CCDC88A: variants seen among roughly 807,000 people sequenced by gnomAD.
CCDC88A encodes coiled-coil and HOOK domain protein 88A.
Under a neutral mutation model 234.3 loss-of-function variants are expected in CCDC88A, and 54 were observed. That is an observed-to-expected ratio of 0.23 (90% CI 0.19 to 0.29). The LOEUF (loss-of-function observed/expected upper bound fraction) is 0.29. CCDC88A is among the 10% of genes least tolerant of loss of function. The pLI, the probability that CCDC88A is intolerant of heterozygous loss-of-function variation, is 1.00. For missense variants in CCDC88A, 1,832 were observed against 2,123.4 expected, an observed-to-expected ratio of 0.86 and a Z score of 2.70; for synonymous variants, 753 against 737.8, an observed-to-expected ratio of 1.02 and a Z score of -0.33.
Position 55,384,590 on chromosome 2 carries a change from C to CATATATACGTATATATGCGTATATAT in CCDC88A, c.273+4187_273+4188insATATATACGCATATATACGTATATAT, listed in dbSNP as rs70954111. On this transcript the variant is annotated intron_variant, in intron 3 of 32. Coordinates refer to ENST00000436346, the MANE Select transcript of CCDC88A (RefSeq NM_001365480.1). ...ATATACGTATATATGTGTATATATA[C>CATATATACGTATATATGCGTATATAT]ACATATATACGTATATATGTGTATA... Among the ~76,000 whole-genome samples the CATATATACGTATATATGCGTATATAT allele has an allele frequency of 3.6e-3, 7 of 1,950 alleles. 3 individuals carry two copies. The highest frequency in any genetic ancestry group is 8.1e-3 in the African/African-American group (7 of 864). 1.3% of individuals were successfully genotyped at this position (1,950 alleles called of 152,430 possible).
intron 29 of CCDC88A, among the ~76,000 whole-genome samples, chr2:55,297,373 T>TTATA (rs1680285087): frequency 9.6e-6 from 1 of 104,658 alleles, no homozygotes; most frequent in Non-Finnish European, 1.7e-5. Flanking sequence ...ATAATATATA[T>TTATA]TATATATAAA....
chr2:55,308,944 G>C lies in CCDC88A; in HGVS notation c.4252C>G (p.Leu1418Val). 3 of 1,614,060 alleles carry C rather than the reference G, an allele frequency of 1.9e-6. No individual in the cohort carries two copies. Among genetic ancestry groups the C allele is most frequent in the Non-Finnish European group, 2.5e-6 (3 of 1,179,954 alleles). ...KDINRERQKS[L>V]TLTPTRSDSS... ...TCTGAGCGGGTGGGTGTTAATGTTA[G>C]AGATTTCTGGCGTTCCCGATTAATA... Residue 1418 changes from leucine (L) to valine (V), a missense_variant, in exon 25 of 33, where the codon CTA becomes GTA. By Grantham distance (32) the Leu-to-Val change is conservative. Transcript: ENST00000436346.
At position 55,396,564 on chromosome 2, in the gene CCDC88A, A is replaced by G. The variant is rs140299796; in HGVS notation, c.165-7678T>C. 5.2e-3 allele frequency among the ~76,000 whole-genome samples: 787 copies of G among 152,172 alleles called. 10 individuals carry two copies. Among genetic ancestry groups the G allele is most frequent in the African/African-American group, 0.018 (761 of 41,534 alleles). On this transcript the variant is annotated intron_variant, in intron 2 of 32. Transcript: ENST00000436346. The stretch of plus-strand genomic sequence containing the variant: ...AGGATCATTCAAGAAAACAAAGAAA[A>G]GTCTGACTTAAAAAAAAAGGTTGCA...
intron 13 of CCDC88A, 151 bp downstream of exon 13, chr2:55,339,313 A>T (rs765606705): frequency 1.5e-5 from 11 of 754,724 alleles, no homozygotes; most frequent in Non-Finnish European, 2.3e-5. Context: ...TATAGGGTTC[A>T]TTCACACCAT....
intron 2 of CCDC88A, among the ~76,000 whole-genome samples, chr2:55,401,447 A>AAAAAAAAAAT (rs1334606165): frequency 3.7e-5 from 1 of 27,160 alleles, no homozygotes; most frequent in African/African-American, 9.0e-5. Flanking sequence ...AAAAAAAAAA[A>AAAAAAAAAAT]ATATATATAT....
chr2:55,364,285 C>T (rs895833256), intron 5 of CCDC88A: 1 of 292,178 alleles, frequency 3.4e-6, no homozygotes, highest in Non-Finnish European at 6.4e-6. Context: ...CATTACACAA[C>T]CCATCTGAGG....
chr2:55,418,765 A>G, intron 2 of CCDC88A, 51 bp downstream of exon 2: 1 of 1,389,318 alleles, frequency 7.2e-7, no homozygotes, highest in Non-Finnish European at 1.0e-6. Flanking sequence ...AAAGTTCACC[A>G]TATGCTATTT....
At chr2:55,307,360 T>TA (rs1491139683) in intron 25 of CCDC88A, among the ~76,000 whole-genome samples, 1 of 97,672 alleles carries the variant, frequency 1.0e-5, no homozygotes, top group African/African-American at 2.1e-4. Context: ...CTTCACCTAA[T>TA]TTTTTTTTTT....
At chr2:55,382,367 G>A (rs1447723242) in intron 3 of CCDC88A, among the ~76,000 whole-genome samples, 2 of 152,184 alleles carry the variant, frequency 1.3e-5, no homozygotes, top group Non-Finnish European at 1.5e-5. Flanking sequence ...TTTCCTAATT[G>A]TAACATGTTC....
At chr2:55,363,786 G>T in intron 6 of CCDC88A, 164 bp downstream of exon 6, 1 of 496,800 alleles carries the variant, frequency 2.0e-6, no homozygotes, top group Middle Eastern at 4.9e-4. Context: ...CCAAGTGTAA[G>T]AAACTATCTC....
intron 18 of CCDC88A, among the ~76,000 whole-genome samples, chr2:55,320,501 A>AT (rs1683489026): frequency 6.6e-6 from 1 of 152,114 alleles, no homozygotes; most frequent in Non-Finnish European, 1.5e-5. Flanking sequence ...ATATGAAGTA[A>AT]TTTTTTTCCA....
rs756554084 is a variant in CCDC88A, at chr2:55,322,558, A to C, written c.3132T>G (p.Val1044=). 8.1e-6 allele frequency: 13 copies of C among 1,601,648 alleles called. No homozygotes were observed. Among genetic ancestry groups the C allele is most frequent in the East Asian group, 2.2e-5 (1 of 44,732 alleles). The stretch of plus-strand genomic sequence containing the variant: ...TTTCTACTTCAATTAATCTGTCTTT[A>C]ACTTTCAGAAGTTCTCTAGTCGTTT... ...SQETTRELLK[V]KDRLIEVERN... is the part of the protein sequence containing the mutation. Residue 1044 remains valine, a synonymous_variant, in exon 18 of 33, where the codon GTT becomes GTG. Transcript: ENST00000436346.
At chr2:55,342,512 AC>A (rs1668632396) in intron 12 of CCDC88A, among the ~76,000 whole-genome samples, 1 of 152,220 alleles carries the variant, frequency 6.6e-6, no homozygotes, top group African/African-American at 2.4e-5. Flanking sequence ...GAAACTCTTA[AC>A]TAACACAGTA....
chr2:55,330,187 T>C (rs1390272237), intron 16 of CCDC88A: 1 of 152,104 alleles, frequency 6.6e-6, no homozygotes, highest in East Asian at 1.9e-4. Flanking sequence ...TCAGAGAGAA[T>C]AACATGAATT....
chr2:55,364,182 C>A, intron 5 of CCDC88A, 149 bp from the exon 6 acceptor site: 1 of 468,550 alleles, frequency 2.1e-6, no homozygotes, highest in Non-Finnish European at 3.8e-6. Context: ...ACATACTTAC[C>A]TAATAAACAA....
In CCDC88A at chr2:55,409,159, C is replaced by T. The variant is rs150034060; in HGVS notation, c.164+9657G>A. Reference sequence around the variant, plus strand: ...AATACTTGTATTCATCTTTAACTGACACTCTTTGTGATTTCCTCTTAGCAG... The same window carrying T: ...AATACTTGTATTCATCTTTAACTGATACTCTTTGTGATTTCCTCTTAGCAG... On this transcript the variant is annotated intron_variant, in intron 2 of 32. Transcript: ENST00000436346. Among the ~76,000 whole-genome samples, 507 of 152,326 alleles carry T rather than the reference C, an allele frequency of 3.3e-3. 3 individuals are homozygous for T. The highest frequency in any genetic ancestry group is 0.01 in the African/African-American group (430 of 41,562).
chr2:55,298,125 A>T (rs1172515721), intron 29 of CCDC88A, among the ~76,000 whole-genome samples: 1 of 152,216 alleles, frequency 6.6e-6, no homozygotes, highest in African/African-American at 2.4e-5. Flanking sequence ...GGTGTTCCTT[A>T]AGAGTACGGA....
At chr2:55,354,142 A>C (rs1310083755) in intron 8 of CCDC88A, among the ~76,000 whole-genome samples, 1 of 111,466 alleles carries the variant, frequency 9.0e-6, no homozygotes, top group Non-Finnish European at 1.7e-5. Context: ...AAAAAATGGT[A>C]CTTTTTTTTT....
chr2:55,415,038 G>T (rs1681124678), intron 2 of CCDC88A, among the ~76,000 whole-genome samples: 1 of 146,714 alleles, frequency 6.8e-6, no homozygotes, highest in Non-Finnish European at 1.5e-5. Flanking sequence ...CTGCACTCCC[G>T]CCTGGGCATG....
Sources: allele counts gnomAD v4.1 joint callset (sites outside exome capture counted in the v4.1 genomes callset), GRCh38; gene constraint gnomAD v4.1.1; transcripts MANE v1.5; gene names NCBI Gene and HGNC (gene_info 2026-07-23, HGNC 2026-07-21).